The following TNNT2 variants were observed in gnomAD, a reference collection of about 807,000 sequenced individuals.
TNNT2 encodes troponin T, cardiac muscle.
Under a neutral mutation model 62.4 loss-of-function variants are expected in TNNT2, and 34 were observed. That is an observed-to-expected ratio of 0.54 (90% CI 0.41 to 0.72). The LOEUF (loss-of-function observed/expected upper bound fraction) is 0.72, where lower values mean the gene tolerates loss of function less well. Ranked by LOEUF, TNNT2 falls within the 30% of genes least tolerant of loss-of-function variation. TNNT2 has a pLI of 0.00. For synonymous variants in TNNT2, 123 were observed against 127.2 expected, an observed-to-expected ratio of 0.97 and a Z score of 0.22; for missense variants, 275 against 381.9, an observed-to-expected ratio of 0.72 and a Z score of 2.33.
chr1:201,368,413 G>T (rs576888252), intron 5 of TNNT2, 186 bp from the exon 6 acceptor site: 2 of 674,600 alleles, frequency 3.0e-6, no homozygotes, highest in East Asian at 3.0e-5. Context: ...GCTACCTCCC[G>T]CCACCCAGCT....
chr1:201,367,456 G>C, intron 7 of TNNT2: 1 of 533,528 alleles, frequency 1.9e-6, no homozygotes, highest in Non-Finnish European at 3.4e-6. Flanking sequence ...CATCCTACAA[G>C]TGATTTCACC....
intron 8 of TNNT2, chr1:201,365,962 G>A: frequency 7.8e-7 from 1 of 1,285,742 alleles, no homozygotes; most frequent in South Asian, 1.7e-5. Flanking sequence ...GAGGTAGAAT[G>A]ACTTGCTCAA....
intron 5 of TNNT2, chr1:201,369,478 G>A (rs1325086424): frequency 2.0e-6 from 1 of 495,564 alleles, no homozygotes; most frequent in Non-Finnish European, 4.1e-6. Flanking sequence ...TGTGCGCGGG[G>A]GCAGGGTGGC....
rs1208879984 is a variant in TNNT2 at position 201,359,562 on chromosome 1, T to C, written c.851+61A>G. 49 of 1,512,148 alleles carry C rather than the reference T, an allele frequency of 3.2e-5. No individual in the cohort carries two copies. The East Asian group carries it at 1.1e-3, about 33-fold the overall frequency. The allele number at this position is 1,512,148 out of a possible 1,614,324, so 93.7% of individuals were successfully genotyped here. ...GCCCTCCAAGGAGGAATGGGATAGC[T>C]GGAAGGTAGGGAAGGAGGGGGCAGG... On this transcript the variant is annotated intron_variant, in intron 16 of 16. Transcript: ENST00000656932.
chr1:201,377,594 T>C (rs1366197018), intron 1 of TNNT2, 29 bp downstream of exon 1: 1 of 456,268 alleles, frequency 2.2e-6, no homozygotes, highest in East Asian at 6.9e-5. Context: ...TCTGCTCTCC[T>C]CTTCCCCAGA....
chr1:201,362,273 C>A (rs551271715), intron 13 of TNNT2, 113 bp downstream of exon 13: 8 of 1,532,536 alleles, frequency 5.2e-6, no homozygotes, highest in African/African-American at 2.7e-5. Flanking sequence ...AGCTTCCCCC[C>A]TCCCCAGCCA....
At chr1:201,366,580 C>T (rs1659705677) in intron 8 of TNNT2, 2 of 1,389,296 alleles carry the variant, frequency 1.4e-6, no homozygotes, top group East Asian at 2.8e-5. Flanking sequence ...CGTTCAGGGC[C>T]CTTCCTCTAG....
intron 12 of TNNT2, 38 bp downstream of exon 12, chr1:201,363,258 C>T (rs1260145122): frequency 1.2e-6 from 2 of 1,613,240 alleles, no homozygotes; most frequent in South Asian, 1.1e-5. Flanking sequence ...CAGGGCTATA[C>T]TAGGATCTCC....
At chr1:201,367,332 T>C in intron 7 of TNNT2, 1 of 380,778 alleles carries the variant, frequency 2.6e-6, no homozygotes, top group Admixed American at 4.0e-5. Flanking sequence ...CCCTCCCCTT[T>C]GGAGAAGTGA....
rs1251341467 is a variant in TNNT2 at position 201,368,221 on chromosome 1, T to A, written c.104A>T (p.Glu35Val). 3 of 1,613,902 alleles carry A rather than the reference T, an allele frequency of 1.9e-6. No homozygotes were observed. The highest frequency in any genetic ancestry group is 2.5e-6 in the Non-Finnish European group (3 of 1,180,000). The part of the protein sequence containing the change: ...EDWREDEDEQ[E>V]EAAEEDAEAE... The stretch of plus-strand genomic sequence containing the variant: ...TTCAGCATCCTCTTCCGCTGCCTCC[T>A]CCTGCTCTGGAGAAGTGAAGCAGAC... The change falls in exon 6 of 17, where the codon GAG becomes GTG. Residue 35 changes from glutamate to valine, a missense_variant. By Grantham distance (121) the Glu-to-Val change is moderately radical (BLOSUM62 -2). Coordinates refer to ENST00000656932, the MANE Select transcript of TNNT2 (RefSeq NM_001276345.2).
At chr1:201,366,031 A>T in intron 8 of TNNT2, 2 of 1,179,370 alleles carry the variant, frequency 1.7e-6, no homozygotes, top group Non-Finnish European at 1.1e-6. Flanking sequence ...TTGGACTTCA[A>T]ATCCCCTGGT....
In TNNT2 at chr1:201,359,153, T is replaced by G; in HGVS notation, c.*57A>C. 8 of 1,581,476 alleles carry G rather than the reference T, an allele frequency of 5.1e-6. No individual in the cohort carries two copies. The highest frequency in any genetic ancestry group is 1.3e-5 in the African/African-American group (1 of 74,564). On this transcript the variant is annotated 3_prime_UTR_variant, in exon 17 of 17. Transcript: ENST00000656932. ...CAGGAGGGCCCGGGAACTGGGGGAG[T>G]GCAGGCCGGAGGCAGGTGCGAGCGA...
chr1:201,372,992 C>T (rs1044879749), intron 2 of TNNT2: 3 of 678,946 alleles, frequency 4.4e-6, no homozygotes, highest in Non-Finnish European at 8.1e-6. Flanking sequence ...TGGAGCTGAA[C>T]CTCTGTGCTT....
chr1:201,361,188 G>A (rs745508216), intron 15 of TNNT2, 91 bp downstream of exon 15: 4 of 1,256,386 alleles, frequency 3.2e-6, no homozygotes, highest in Non-Finnish European at 4.7e-6. Flanking sequence ...TAGGGACAGG[G>A]ACCCAGGGAC....
chr1:201,373,378 T>C (rs1660944315), intron 1 of TNNT2, 110 bp from the exon 2 acceptor site: 5 of 938,130 alleles, frequency 5.3e-6, no homozygotes, highest in Middle Eastern at 2.5e-4. Context: ...TGAATCTAGT[T>C]CCACCCCTCA....
At chr1:201,369,255 T>G (rs1660204601) in intron 5 of TNNT2, 1 of 471,096 alleles carries the variant, frequency 2.1e-6, no homozygotes, top group Admixed American at 2.4e-5. Context: ...CTTTCTAAAA[T>G]TAAGCCCTGG....
chr1:201,371,049 C>A (rs1262000528), intron 4 of TNNT2, among the ~76,000 whole-genome samples: 1 of 152,218 alleles, frequency 6.6e-6, no homozygotes, highest in Non-Finnish European at 1.5e-5. Flanking sequence ...CCTGGAACAG[C>A]CCTAAATGTG....
intron 4 of TNNT2, among the ~76,000 whole-genome samples, 170 bp downstream of exon 4, chr1:201,371,857 G>A (rs1227407574): frequency 1.3e-5 from 2 of 152,162 alleles, no homozygotes; most frequent in Non-Finnish European, 2.9e-5. Flanking sequence ...CTCAAGACCC[G>A]AGCAACCCAG....
chr1:201,366,750 C>G, intron 8 of TNNT2, 88 bp downstream of exon 8: 1 of 1,611,984 alleles, frequency 6.2e-7, no homozygotes, highest in South Asian at 1.1e-5. Flanking sequence ...CAGCCCGTGT[C>G]CACTGCACCA....
Sources: gnomAD v4.1 joint callset for allele counts (sites outside exome capture counted in the v4.1 genomes callset) on GRCh38, gnomAD v4.1.1 for gene constraint, MANE v1.5 for transcripts, NCBI Gene and HGNC (gene_info 2026-07-23, HGNC 2026-07-21) for gene names.